PCDHA9: variants seen among roughly 807,000 people sequenced by gnomAD.
The protein encoded by PCDHA9 is protocadherin alpha 9, also known as protocadherin alpha-9.
A neutral mutation model predicts 62.0 loss-of-function variants in PCDHA9; 62 were observed. That is an observed-to-expected ratio of 1.00 (90% CI 0.81 to 1.23). PCDHA9 has a LOEUF of 1.23. PCDHA9 is among the 50% of genes most tolerant of loss of function. The probability of loss-of-function intolerance (pLI) is 0.00; values close to 1 mark genes in which losing one functional copy is unlikely to be tolerated. For synonymous variants in PCDHA9, 557 were observed against 567.6 expected, an observed-to-expected ratio of 0.98 and a Z score of 0.27; for missense variants, 1,205 against 1,249.8, an observed-to-expected ratio of 0.96 and a Z score of 0.54.
At chr5:140,859,674 A>G (rs1480845911) in intron 1 of PCDHA9, 1 of 154,702 alleles carries the variant, frequency 6.5e-6, no homozygotes. Flanking sequence ...ATAGCTTCAA[A>G]TAAAATTAAA....
chr5:140,893,384 G>T (rs2063960240), intron 1 of PCDHA9, among the ~76,000 whole-genome samples: 1 of 152,168 alleles, frequency 6.6e-6, no homozygotes, highest in South Asian at 2.1e-4. Flanking sequence ...ATGGGACAGT[G>T]GCTCATGCCT....
rs1458261257 is a variant in PCDHA9, at chr5:140,941,194, TCTTTCTTCCTTTCTTTCTTC to T, written c.2395-37747_2395-37728del. Among the ~76,000 whole-genome samples the T allele has an allele frequency of 1.9e-3, 217 of 112,428 alleles. 2 individuals carry two copies. Among genetic ancestry groups the T allele is most frequent in the African/African-American group, 6.9e-3 (195 of 28,326 alleles). 73.8% of individuals were successfully genotyped at this position (112,428 alleles called of 152,430 possible). A position where few individuals can be genotyped will look rare whatever the true frequency, so the allele number is the denominator to read the frequency against. On this transcript the variant is annotated intron_variant, in intron 1 of 3. Coordinates refer to ENST00000532602, the MANE Select transcript of PCDHA9 (RefSeq NM_031857.2). ...CTTGAACATCCTGCTTCTTTTTTTT[TCTTTCTTCCTTTCTTTCTTC>T]CTTTCTTTCTTTCTTTCTTTCTTTC...
intron 1 of PCDHA9, chr5:140,869,166 C>A: frequency 6.2e-7 from 1 of 1,613,866 alleles, no homozygotes; most frequent in South Asian, 1.1e-5. Context: ...TTCTCCTCCT[C>A]GAATTCTGGG....
chr5:140,953,100 A>G (rs1343351624), intron 1 of PCDHA9, among the ~76,000 whole-genome samples: 1 of 152,162 alleles, frequency 6.6e-6, no homozygotes, highest in Admixed American at 6.5e-5. Flanking sequence ...TTGACATGAG[A>G]TTTGGGCAGG....
At chr5:140,979,386 A>C (rs1374804536) in intron 2 of PCDHA9, among the ~76,000 whole-genome samples, 1 of 152,142 alleles carries the variant, frequency 6.6e-6, no homozygotes, top group East Asian at 1.9e-4. Flanking sequence ...TGTGCAATGT[A>C]TACATACATG....
At chr5:140,874,845 A>G (rs1201887753) in intron 1 of PCDHA9, among the ~76,000 whole-genome samples, 1 of 152,236 alleles carries the variant, frequency 6.6e-6, no homozygotes, top group Non-Finnish European at 1.5e-5. Flanking sequence ...GGTATTAGAC[A>G]TATTTTAGTT....
intron 3 of PCDHA9, among the ~76,000 whole-genome samples, chr5:140,996,673 T>C (rs2097737293): frequency 6.6e-6 from 1 of 152,200 alleles, no homozygotes; most frequent in African/African-American, 2.4e-5. Context: ...TTTTGAACCA[T>C]GTTGGGCTAG....
Position 140,857,830 on chromosome 5 carries a change from C to T in PCDHA9, c.2394+6941C>T, listed in dbSNP as rs782060681. ...CGGGTCACGTGGTGGCTAAGGTGCG[C>T]GCAGTGGACGCTGACTCTGGATACA... On this transcript the variant is annotated intron_variant, in intron 1 of 3. Coordinates refer to ENST00000532602, the MANE Select transcript of PCDHA9 (RefSeq NM_031857.2). The T allele has an allele frequency of 3.1e-6, 5 of 1,597,596 alleles. 1 individual carries two copies. Among genetic ancestry groups the T allele is most frequent in the African/African-American group, 2.7e-5 (2 of 74,244 alleles).
chr5:140,870,256 A>G, intron 1 of PCDHA9: 1 of 1,614,168 alleles, frequency 6.2e-7, no homozygotes, highest in Non-Finnish European at 8.5e-7. Flanking sequence ...CGGACAGGTG[A>G]CCTGCTCGCT....
intron 1 of PCDHA9, chr5:140,884,143 G>A: frequency 6.2e-7 from 1 of 1,613,438 alleles, no homozygotes; most frequent in Non-Finnish European, 8.5e-7. Context: ...TCCGCGTGGG[G>A]CTGTACACTG....
At chr5:140,856,513 C>A (rs17844340) in intron 1 of PCDHA9, 3 of 1,598,242 alleles carry the variant, frequency 1.9e-6, no homozygotes, top group Non-Finnish European at 2.6e-6. Flanking sequence ...CACTAGAAGG[C>A]GCATCTGATG....
At chr5:140,906,162 G>A (rs1421474866) in intron 1 of PCDHA9, among the ~76,000 whole-genome samples, 1 of 152,064 alleles carries the variant, frequency 6.6e-6, no homozygotes, top group Non-Finnish European at 1.5e-5. Flanking sequence ...GACACACCCA[G>A]GAACAATACT....
intron 1 of PCDHA9, chr5:140,855,962 G>A (rs2043697360): frequency 3.6e-6 from 5 of 1,403,344 alleles, no homozygotes; most frequent in Non-Finnish European, 4.8e-6. Flanking sequence ...ATAAAAAATA[G>A]ATATAAGAAA....
At chr5:140,970,585 T>G (rs1554232585) in intron 1 of PCDHA9, among the ~76,000 whole-genome samples, 2 of 152,244 alleles carry the variant, frequency 1.3e-5, no homozygotes, top group Non-Finnish European at 2.9e-5. Context: ...ATAACAGAGA[T>G]ATGCTTTGTG....
chr5:140,887,643 T>C (rs1392264032), intron 1 of PCDHA9, among the ~76,000 whole-genome samples: 2 of 152,148 alleles, frequency 1.3e-5, no homozygotes, highest in African/African-American at 4.8e-5. Flanking sequence ...TTGGGGTTTG[T>C]TGATATTCTT....
At chr5:140,862,185 A>G (rs561305480) in intron 1 of PCDHA9, 1 of 166,788 alleles carries the variant, frequency 6.0e-6, no homozygotes, top group South Asian at 1.6e-4. Flanking sequence ...TGACACAGGC[A>G]ATTCCCCAAT....
intron 1 of PCDHA9, among the ~76,000 whole-genome samples, chr5:140,972,289 G>A (rs548610825): frequency 1.5e-3 from 229 of 151,134 alleles, no homozygotes; most frequent in Non-Finnish European, 2.1e-3. Flanking sequence ...ATAGATGTGC[G>A]CCACCGTGTC....
chr5:140,935,318 T>A (rs1554210460), intron 1 of PCDHA9, among the ~76,000 whole-genome samples: 1 of 152,194 alleles, frequency 6.6e-6, no homozygotes, highest in African/African-American at 2.4e-5. Flanking sequence ...TTCATCAATC[T>A]TACATTCCTA....
chr5:140,928,100 T>C (rs1458420006), intron 1 of PCDHA9: 1 of 1,614,090 alleles, frequency 6.2e-7, no homozygotes, highest in African/African-American at 1.3e-5. Context: ...GATGGGCCCC[T>C]GGACCGGGAG....
Sources: gnomAD v4.1 joint callset for allele counts (sites outside exome capture counted in the v4.1 genomes callset) on GRCh38, gnomAD v4.1.1 for gene constraint, MANE v1.5 for transcripts, NCBI Gene and HGNC (gene_info 2026-07-23, HGNC 2026-07-21) for gene names.